The following TOP1 variants were observed in gnomAD, a reference collection of about 807,000 sequenced individuals.
The protein encoded by TOP1 is DNA topoisomerase I.
In TOP1, 10 loss-of-function variants were observed where a neutral mutation model predicts 111.1. The ratio of observed to expected loss-of-function variants is 0.09; its 90% CI spans 0.06 to 0.15. The LOEUF is 0.15. Among genes scored for constraint, TOP1 ranks in the 10% least tolerant of loss-of-function variants. TOP1 has a pLI of 1.00. For synonymous variants in TOP1, 271 were observed against 302.9 expected, an observed-to-expected ratio of 0.89 and a Z score of 1.10; for missense variants, 474 against 926.7, an observed-to-expected ratio of 0.51 and a Z score of 6.34.
In TOP1 at chr20:41,109,025, C is replaced by T. The variant is rs1172723464; in HGVS notation, c.1309-3757C>T. ...CAAACTTTAGGATCAATGTTGACATCGTATTGCGTTTAGTCCTGTTAAAAT... is the reference window on the plus strand; with the variant it reads ...CAAACTTTAGGATCAATGTTGACATTGTATTGCGTTTAGTCCTGTTAAAAT... On this transcript the variant is annotated intron_variant, in intron 13 of 20. Transcript: ENST00000361337. The surrounding 1 kb of genome is among the most constrained non-coding windows in gnomAD (Gnocchi z 4.1). Among the ~76,000 whole-genome samples, 2 of 152,172 alleles carry T rather than the reference C, an allele frequency of 1.3e-5. No homozygotes were observed. The highest frequency in any genetic ancestry group is 2.1e-4 in the South Asian group (1 of 4,830).
At position 41,103,000 on chromosome 20, in the gene TOP1, A is replaced by G. The variant is rs550340805; in HGVS notation, c.1308+1647A>G. On this transcript the variant is annotated intron_variant, in intron 13 of 20. Coordinates refer to ENST00000361337, the MANE Select transcript of TOP1 (RefSeq NM_003286.4). The surrounding 1 kb of genome is among the most constrained non-coding windows in gnomAD (Gnocchi z 4.0). ...GAGAACTGTGTCGTGGACAAAGGGG[A>G]GGGTGGTAAGCAGAGTATGTTGAGG... Among the ~76,000 whole-genome samples the G allele has an allele frequency of 4.6e-5, 7 of 152,286 alleles. No individual in the cohort carries two copies. Among genetic ancestry groups the G allele is most frequent in the African/African-American group, 1.4e-4 (6 of 41,564 alleles).
In TOP1 at chr20:41,078,149, G is replaced by A. The variant is rs1324267494; in HGVS notation, c.335+512G>A. Among the ~76,000 whole-genome samples, 2 of 151,974 alleles carry A rather than the reference G, an allele frequency of 1.3e-5. No homozygotes were observed. Among genetic ancestry groups the A allele is most frequent in the Non-Finnish European group, 2.9e-5 (2 of 67,996 alleles). The stretch of plus-strand genomic sequence containing the variant: ...AAAGATCATTTGACCTACATGTTAG[G>A]GATGAGTGTAGATTTGGGTAGAATT... On this transcript the variant is annotated intron_variant, in intron 5 of 20. Coordinates refer to ENST00000361337, the MANE Select transcript of TOP1 (RefSeq NM_003286.4). The surrounding 1 kb of genome is among the most constrained non-coding windows in gnomAD (Gnocchi z 5.3).
Position 41,101,152 on chromosome 20 carries a change from A to G in TOP1, c.1164-57A>G. ...CAGATAGGTCCACTTGGGGTCATGA[A>G]AGGTGAAATTATTCCTCACATCTTA... On this transcript the variant is annotated intron_variant, in intron 12 of 20. Coordinates refer to ENST00000361337, the MANE Select transcript of TOP1 (RefSeq NM_003286.4). This position sits in a 1 kb window ranked among gnomAD's most constrained non-coding sequence, Gnocchi z 4.1. 1 of 1,596,588 alleles carries G rather than the reference A, an allele frequency of 6.3e-7. No homozygotes were observed. The highest frequency in any genetic ancestry group is 1.1e-5 in the South Asian group (1 of 90,254).
chr20:41,046,147 A>G lies in TOP1; in HGVS notation c.59-15247A>G, dbSNP rs538789995. ...TGAATAGGAATGAAATAAATAGCTG[A>G]TATTTGAACATTTTTAATGCCCTAG... On this transcript the variant is annotated intron_variant, in intron 2 of 20. Coordinates refer to ENST00000361337, the MANE Select transcript of TOP1 (RefSeq NM_003286.4). This position sits in a 1 kb window ranked among gnomAD's most constrained non-coding sequence, Gnocchi z 4.3. Among the ~76,000 whole-genome samples, 1 of 152,284 alleles carries G rather than the reference A, an allele frequency of 6.6e-6. No homozygotes were observed. The highest frequency in any genetic ancestry group is 1.5e-5 in the Non-Finnish European group (1 of 68,026).
At position 41,032,583 on chromosome 20, in the gene TOP1, T is replaced by C. The variant is rs1487936851; in HGVS notation, c.58+3128T>C. ...GGTCTTGAAGTTTTTGCCTGTCTGC[T>C]ATGGAGATAGGGAGTTCTCCCCCAT... On this transcript the variant is annotated intron_variant, in intron 2 of 20. Transcript: ENST00000361337. The surrounding 1 kb of genome is among the most constrained non-coding windows in gnomAD (Gnocchi z 4.3). Among the ~76,000 whole-genome samples, 1 of 152,242 alleles carries C rather than the reference T, an allele frequency of 6.6e-6. No individual in the cohort carries two copies. Among genetic ancestry groups the C allele is most frequent in the Non-Finnish European group, 1.5e-5 (1 of 68,036 alleles).
intron 2 of TOP1, among the ~76,000 whole-genome samples, chr20:41,054,477 A>C (rs1175480223): frequency 1.3e-5 from 2 of 152,208 alleles, no homozygotes; most frequent in African/African-American, 4.8e-5. Context: ...GTATGTCTTT[A>C]TTAGCAGCGT....
intron 2 of TOP1, among the ~76,000 whole-genome samples, chr20:41,059,363 A>G (rs1217788246): frequency 6.6e-6 from 1 of 151,698 alleles, no homozygotes; most frequent in East Asian, 1.9e-4. Context: ...GTCTTTATTG[A>G]TTAGAAAAAA....
rs2033777100 is a variant in TOP1 at position 41,080,537 on chromosome 20, C to T, written c.431+357C>T. Among the ~76,000 whole-genome samples, 1 of 152,164 alleles carries T rather than the reference C, an allele frequency of 6.6e-6. No individual in the cohort carries two copies. Among genetic ancestry groups the T allele is most frequent in the African/African-American group, 2.4e-5 (1 of 41,442 alleles). On this transcript the variant is annotated intron_variant, in intron 6 of 20. Coordinates refer to ENST00000361337, the MANE Select transcript of TOP1 (RefSeq NM_003286.4). The surrounding 1 kb of genome is among the most constrained non-coding windows in gnomAD (Gnocchi z 5.0). ...TAAAGCAGTTTCTCTTAGACCTATT[C>T]CTGTCAGACATTCTAAGTGAAGTTT...
At chr20:41,088,409 G>A (rs913212442) in intron 8 of TOP1, among the ~76,000 whole-genome samples, 9 of 152,200 alleles carry the variant, frequency 5.9e-5, no homozygotes, top group South Asian at 4.1e-4. Context: ...AGGCTGAGGC[G>A]CGAGAATGGT....
chr20:41,096,572 G>A (rs1013655011), intron 9 of TOP1, among the ~76,000 whole-genome samples: 4 of 152,168 alleles, frequency 2.6e-5, no homozygotes, highest in African/African-American at 9.7e-5. Context: ...GAGGGGGCCT[G>A]GGATTCTGCA....
chr20:41,076,062 G>C (rs1487801241), intron 3 of TOP1, 109 bp from the exon 4 acceptor site: 2 of 1,162,544 alleles, frequency 1.7e-6, no homozygotes, highest in Non-Finnish European at 2.4e-6. Context: ...GGTACTGTTT[G>C]TTTAAGTACT....
At position 41,101,871 on chromosome 20, in the gene TOP1, G is replaced by A. The variant is rs1159592475; in HGVS notation, c.1308+518G>A. On this transcript the variant is annotated intron_variant, in intron 13 of 20. Coordinates refer to ENST00000361337, the MANE Select transcript of TOP1 (RefSeq NM_003286.4). This position sits in a 1 kb window ranked among gnomAD's most constrained non-coding sequence, Gnocchi z 4.1. ...GGTTCACCAGGGCCAAATGAAATGTGTGTGAAAGCACATCATAAAACTGTG... is the reference window on the plus strand; with the variant it reads ...GGTTCACCAGGGCCAAATGAAATGTATGTGAAAGCACATCATAAAACTGTG... Among the ~76,000 whole-genome samples the A allele has an allele frequency of 2.6e-5, 4 of 152,236 alleles. No homozygotes were observed. The highest frequency in any genetic ancestry group is 4.4e-5 in the Non-Finnish European group (3 of 68,026).
In TOP1 at chr20:41,061,400, A is replaced by G. The variant is rs958350596; in HGVS notation, c.65A>G (p.His22Arg). ...TCATCTCTTATGGTTGCAGATTCTC[A>G]TAAACACAAAGATAAACACAAAGAT... Reference protein sequence around the residue: ...IEADFRLNDSHKHKDKHKDRE... With the variant: ...IEADFRLNDSRKHKDKHKDRE... The change falls in exon 3 of 21, where the codon CAT becomes CGT. Residue 22 changes from histidine to arginine, a missense_variant. Physicochemically the swap from His to Arg is conservative, Grantham distance 29. Transcript: ENST00000361337. This position sits in a 1 kb window ranked among gnomAD's most constrained non-coding sequence, Gnocchi z 4.6. 6.2e-7 allele frequency: 1 copy of G among 1,613,626 alleles called. No individual in the cohort carries two copies. Among genetic ancestry groups the G allele is most frequent in the African/African-American group, 1.3e-5 (1 of 74,918 alleles).
At chr20:41,036,254 TGATTATCTGCTGTTAGA>T (rs1469856732) in intron 2 of TOP1, among the ~76,000 whole-genome samples, 4 of 152,182 alleles carry the variant, frequency 2.6e-5, no homozygotes, top group African/African-American at 9.7e-5. Flanking sequence ...AACCTGCCCT[TGATTATCTGCTGTTAGA>T]GATAGCTTGG....
rs2033292291 is a variant in TOP1, at chr20:41,043,403, T to C, written c.58+13948T>C. ...AGTAATTCATAATCGGGGGAGGATC[T>C]TCTGGAGTATAAAAAAATTTAAGGA... On this transcript the variant is annotated intron_variant, in intron 2 of 20. Transcript: ENST00000361337. 2.0e-5 allele frequency among the ~76,000 whole-genome samples: 3 copies of C among 152,352 alleles called. No homozygotes were observed. The Middle Eastern group carries it at 0.01, about 518-fold the overall frequency.
chr20:41,072,147 T>A (rs1351944132), intron 3 of TOP1: 1 of 750,988 alleles, frequency 1.3e-6, no homozygotes, highest in Non-Finnish European at 1.6e-6. Context: ...TACTGAAGTT[T>A]CTTCAGTAAT....
At chr20:41,045,871 T>C (rs1480712487) in intron 2 of TOP1, among the ~76,000 whole-genome samples, 1 of 152,166 alleles carries the variant, frequency 6.6e-6, no homozygotes, top group African/African-American at 2.4e-5. Flanking sequence ...CCATCTGGGG[T>C]TATCTTCTCA....
chr20:41,089,891 T>C (rs1398671615), intron 8 of TOP1, among the ~76,000 whole-genome samples: 1 of 152,242 alleles, frequency 6.6e-6, no homozygotes, highest in Non-Finnish European at 1.5e-5. Flanking sequence ...TTATTGATGT[T>C]GCATATTTTT....
chr20:41,110,019 G>A lies in TOP1; in HGVS notation c.1309-2763G>A, dbSNP rs2145961175. On this transcript the variant is annotated intron_variant, in intron 13 of 20. Coordinates refer to ENST00000361337, the MANE Select transcript of TOP1 (RefSeq NM_003286.4). The surrounding 1 kb of genome is among the most constrained non-coding windows in gnomAD (Gnocchi z 4.2). ...CATGGTTAAGGGCCAGGTGCGGTTG[G>A]TGCATGCCTGTAATCCAAGCACTCT... Among the ~76,000 whole-genome samples the A allele has an allele frequency of 6.6e-6, 1 of 152,346 alleles. No individual in the cohort carries two copies. Among genetic ancestry groups the A allele is most frequent in the East Asian group, 1.9e-4 (1 of 5,188 alleles).
Sources: allele counts gnomAD v4.1 joint callset (sites outside exome capture counted in the v4.1 genomes callset), GRCh38; gene constraint gnomAD v4.1.1; non-coding constraint Gnocchi (gnomAD v3.1); transcripts MANE v1.5; gene names NCBI Gene and HGNC (gene_info 2026-07-23, HGNC 2026-07-21).